The following CNOT1 variants were observed in gnomAD, a reference collection of about 807,000 sequenced individuals.
The protein encoded by CNOT1 is CCR4-associated factor 1.
A neutral mutation model predicts 273.8 loss-of-function variants in CNOT1; 15 were observed. That is an observed-to-expected ratio of 0.05 (90% CI 0.04 to 0.08). The LOEUF is 0.08. CNOT1 is among the 10% of genes least tolerant of loss of function. The pLI is 1.00. For missense variants in CNOT1, 1,644 were observed against 2,912.2 expected, an observed-to-expected ratio of 0.56 and a Z score of 10.02; for synonymous variants, 1,022 against 1,005.5, an observed-to-expected ratio of 1.02 and a Z score of -0.31.
chr16:58,558,465 C>T lies in CNOT1; in HGVS notation c.2332+8G>A. The T allele has an allele frequency of 1.2e-6, 2 of 1,613,764 alleles. No individual in the cohort carries two copies. Among genetic ancestry groups the T allele is most frequent in the South Asian group, 2.2e-5 (2 of 91,008 alleles). ...AATAATCCATGCTCTCATTTGCCTC[C>T]CCCTTACCTGGAAGCTGTGATGAAA... is the stretch of plus-strand genomic sequence containing the variant. On this transcript the variant is annotated splice_region_variant and intron_variant, in intron 18 of 48. Coordinates refer to ENST00000317147, the MANE Select transcript of CNOT1 (RefSeq NM_016284.5).
intron 1 of CNOT1, among the ~76,000 whole-genome samples, chr16:58,618,680 T>A (rs1337586961): frequency 6.6e-6 from 1 of 150,780 alleles, no homozygotes; most frequent in Non-Finnish European, 1.5e-5. Flanking sequence ...AGTTGACCCT[T>A]CCGTAGTTCA....
At chr16:58,540,100 T>G in intron 34 of CNOT1, 141 bp from the exon 35 acceptor site, 1 of 780,576 alleles carries the variant, frequency 1.3e-6, no homozygotes, top group Non-Finnish European at 2.0e-6. Flanking sequence ...GCCTCTTCTT[T>G]TCCTTCTTCC....
At chr16:58,579,904 C>A (rs12445198) in intron 12 of CNOT1, among the ~76,000 whole-genome samples, 1 of 152,034 alleles carries the variant, frequency 6.6e-6, no homozygotes, top group African/African-American at 2.4e-5. Context: ...AAACTAGATA[C>A]TTTAGCTGAA....
chr16:58,583,578 C>G (rs1187202395), intron 8 of CNOT1, among the ~76,000 whole-genome samples: 1 of 152,142 alleles, frequency 6.6e-6, no homozygotes, highest in Non-Finnish European at 1.5e-5. Flanking sequence ...AGTATTTCCG[C>G]TTGGGCTCCA....
At chr16:58,577,845 CAA>C (rs34127478) in intron 13 of CNOT1, among the ~76,000 whole-genome samples, 16 of 106,290 alleles carry the variant, frequency 1.5e-4, no homozygotes, top group Non-Finnish European at 1.6e-4. Flanking sequence ...TCCTCTCTCT[CAA>C]AAAAAAAAAA....
intron 1 of CNOT1, among the ~76,000 whole-genome samples, chr16:58,622,427 A>T (rs2043383685): frequency 6.7e-6 from 1 of 148,846 alleles, no homozygotes; most frequent in Non-Finnish European, 1.5e-5. Context: ...CTTTCTCATC[A>T]ATTTTACTGT....
intron 16 of CNOT1, among the ~76,000 whole-genome samples, chr16:58,566,718 T>C (rs760539299): frequency 1.2e-4 from 18 of 152,108 alleles, no homozygotes; most frequent in Non-Finnish European, 2.2e-4. Context: ...CCAGACAGAG[T>C]GCAATGGCAA....
At chr16:58,583,714 T>C (rs1452120286) in intron 8 of CNOT1, among the ~76,000 whole-genome samples, 2 of 152,112 alleles carry the variant, frequency 1.3e-5, no homozygotes, top group Non-Finnish European at 2.9e-5. Flanking sequence ...AATTTTTGTA[T>C]TTTTAGTGGA....
chr16:58,521,089 A>G, intron 48 of CNOT1, 53 bp from the exon 49 acceptor site: 3 of 1,613,544 alleles, frequency 1.9e-6, no homozygotes, highest in Non-Finnish European at 2.5e-6. Context: ...GCCTAACAAT[A>G]CCTTGCATCT....
chr16:58,599,255 C>T lies in CNOT1; in HGVS notation c.83G>A (p.Ser28Asn). The change falls in exon 2 of 49, where the codon AGC (serine) becomes AAC (asparagine). Residue 28 changes from serine (S) to asparagine (N), a missense_variant. Transcript: ENST00000317147. The part of the protein sequence containing the change: ...DNLTKKNYRA[S>N]QQEIQHIVNR... ...ACTTACATGCTGTATTTCCTGCTGG[C>T]TGGCTCGGTAATTTTTCTTGGTTAA... 6.2e-7 allele frequency: 1 copy of T among 1,614,160 alleles called. No individual in the cohort carries two copies. Among genetic ancestry groups the T allele is most frequent in the Non-Finnish European group, 8.5e-7 (1 of 1,180,038 alleles).
chr16:58,528,846 G>C (rs978167352), intron 43 of CNOT1, among the ~76,000 whole-genome samples, 198 bp from the exon 44 acceptor site: 7 of 150,286 alleles, frequency 4.7e-5, no homozygotes, highest in Admixed American at 1.3e-4. Context: ...TGAAAAACTA[G>C]GCATCAAGAG....
chr16:58,576,258 G>A (rs943451734), intron 14 of CNOT1, among the ~76,000 whole-genome samples: 2 of 151,880 alleles, frequency 1.3e-5, no homozygotes, highest in Non-Finnish European at 2.9e-5. Context: ...TTACAGGCAC[G>A]CACTCCACGC....
Position 58,555,266 on chromosome 16 carries a change from T to C in CNOT1, c.2876A>G (p.Asp959Gly). 1.9e-6 allele frequency: 3 copies of C among 1,614,062 alleles called. No homozygotes were observed. Among genetic ancestry groups the C allele is most frequent in the South Asian group, 1.1e-5 (1 of 91,076 alleles). ...KMYYFGIAAL[D>G]RFKNRLKDYP... The stretch of plus-strand genomic sequence containing the variant: ...ATCCACTTACCTGTTTTTAAATCTA[T>C]CTAGTGCAGCAATCCCGAAATAATA... The change falls in exon 21 of 49, where the codon GAT (aspartate) becomes GGT (glycine). Residue 959 changes from aspartate to glycine, a missense_variant. Around this residue, in one of 13 missense-constraint regions of CNOT1, gnomAD observed 74 missense variants for 184.6 expected, o/e 0.40. Transcript: ENST00000317147.
chr16:58,628,268 T>A (rs1434070410), intron 1 of CNOT1, among the ~76,000 whole-genome samples: 1 of 152,232 alleles, frequency 6.6e-6, no homozygotes, highest in Non-Finnish European at 1.5e-5. Context: ...CATCAATGCA[T>A]ATTCTCCTTA....
At chr16:58,628,349 TA>T (rs2043671748) in intron 1 of CNOT1, among the ~76,000 whole-genome samples, 1 of 152,150 alleles carries the variant, frequency 6.6e-6, no homozygotes, top group African/African-American at 2.4e-5. Context: ...TCTTAATAGC[TA>T]AAATACTCTG....
intron 16 of CNOT1, among the ~76,000 whole-genome samples, chr16:58,563,113 C>T (rs1164305530): frequency 2.0e-5 from 3 of 152,168 alleles, no homozygotes; most frequent in Non-Finnish European, 4.4e-5. Flanking sequence ...TGTTTTATGT[C>T]CACTGAAGCC....
In CNOT1 at chr16:58,522,110, G is replaced by C. The variant is rs200477908; in HGVS notation, c.6918-793C>G. Among the ~76,000 whole-genome samples the C allele has an allele frequency of 1.7e-4, 26 of 151,944 alleles. No homozygotes were observed. The East Asian group carries it at 5.0e-3, about 29-fold the overall frequency. ...CAAGACGGGTGGATCACGAGGTCGG[G>C]AGTTCAAGACCAGCCTGGCCAAGAT... On this transcript the variant is annotated intron_variant, in intron 47 of 48. Transcript: ENST00000317147.
chr16:58,568,999 A>C (rs559038602), intron 16 of CNOT1, among the ~76,000 whole-genome samples: 1 of 152,382 alleles, frequency 6.6e-6, no homozygotes, highest in Non-Finnish European at 1.5e-5. Context: ...CAAGACTTGT[A>C]AAGAAACAAA....
At chr16:58,609,316 G>A (rs2042803825) in intron 1 of CNOT1, among the ~76,000 whole-genome samples, 1 of 151,966 alleles carries the variant, frequency 6.6e-6, no homozygotes, top group East Asian at 1.9e-4. Flanking sequence ...AGGTTGCAGT[G>A]AGCCAAGCTC....
Sources: allele counts gnomAD v4.1 joint callset (sites outside exome capture counted in the v4.1 genomes callset), GRCh38; gene constraint gnomAD v4.1.1; regional missense constraint gnomAD v4.1.1; transcripts MANE v1.5; gene names NCBI Gene and HGNC (gene_info 2026-07-23, HGNC 2026-07-21).